Variants in ACADL observed in about 807,000 individuals in gnomAD.
ACADL encodes acyl-CoA dehydrogenase long chain.
ACADL carries 60 observed loss-of-function variants against 56.9 expected under a neutral mutation model. The ratio of observed to expected loss-of-function variants is 1.05; its 90% CI spans 0.86 to 1.31. ACADL has a LOEUF of 1.31. Ranked by LOEUF, ACADL falls within the 50% of genes most tolerant of loss-of-function variation. The pLI, the probability that ACADL is intolerant of heterozygous loss-of-function variation, is 0.00. For missense variants in ACADL, 484 were observed against 525.5 expected, an observed-to-expected ratio of 0.92 and a Z score of 0.77; for synonymous variants, 158 against 179.7, an observed-to-expected ratio of 0.88 and a Z score of 0.97.
chr2:210,195,456 TGTTG>T, intron 8 of ACADL, 118 bp from the exon 9 acceptor site: 1 of 1,147,148 alleles, frequency 8.7e-7, no homozygotes, highest in African/African-American at 1.5e-5. Context: ...AAAGTGGAAT[TGTTG>T]GTTTTTTCCT....
intron 2 of ACADL, among the ~76,000 whole-genome samples, chr2:210,220,215 A>G (rs1264866041): frequency 2.0e-5 from 3 of 152,200 alleles, no homozygotes; most frequent in Admixed American, 6.5e-5. Flanking sequence ...ATAGAAATAG[A>G]TAAGTTTCTG....
chr2:210,191,595 C>G (rs989981527), intron 10 of ACADL, among the ~76,000 whole-genome samples: 84 of 152,146 alleles, frequency 5.5e-4, no homozygotes, highest in Admixed American at 1.3e-4. Context: ...TTTCTAAGGA[C>G]TATAAGCATA....
At chr2:210,189,463 CAAAAG>C (rs1438545139) in intron 10 of ACADL, among the ~76,000 whole-genome samples, 1 of 151,824 alleles carries the variant, frequency 6.6e-6, no homozygotes, top group Non-Finnish European at 1.5e-5. Context: ...TTATAGAAAA[CAAAAG>C]AAAAAAGATA....
At chr2:210,217,777 CTTA>C in intron 3 of ACADL, 185 bp downstream of exon 3, 2 of 675,108 alleles carry the variant, frequency 3.0e-6, no homozygotes, top group Non-Finnish European at 4.8e-6. Flanking sequence ...AAAGGATTTT[CTTA>C]TTATCCCACA....
In ACADL at chr2:210,218,000, C is replaced by T. The variant is rs528714827; in HGVS notation, c.336G>A (p.Gly112=). The part of the protein sequence containing the change: ...NIAEHLGGIG[G]DLYSAAIVWE... ...AGACAATAGCTGCGGAGTACAGATC[C>T]CCTCCAATTCCACCAAGATGCTCTG... Residue 112 remains glycine, a synonymous_variant, in exon 3 of 11, where the codon GGG becomes GGA. Coordinates refer to ENST00000233710, the MANE Select transcript of ACADL (RefSeq NM_001608.4). 3.1e-6 allele frequency: 5 copies of T among 1,613,970 alleles called. No homozygotes were observed. The African/African-American group carries it at 5.3e-5, about 17-fold the overall frequency.
At chr2:210,203,309 T>C in intron 8 of ACADL, 22 bp downstream of exon 8, 1 of 1,538,786 alleles carries the variant, frequency 6.5e-7, no homozygotes, top group Non-Finnish European at 9.0e-7. Context: ...CATCTAATAC[T>C]AAACCACAGT....
chr2:210,219,043 G>A (rs377527842), intron 2 of ACADL, among the ~76,000 whole-genome samples: 34 of 152,246 alleles, frequency 2.2e-4, no homozygotes, highest in Middle Eastern at 3.4e-3. Context: ...ATTTTTAAGT[G>A]GATTATAGTG....
chr2:210,215,116 C>G (rs746197748), intron 4 of ACADL, among the ~76,000 whole-genome samples: 13 of 152,154 alleles, frequency 8.5e-5, no homozygotes, highest in Non-Finnish European at 1.2e-4. Flanking sequence ...TCTTTCTTTG[C>G]ACTATTTGCT....
intron 8 of ACADL, among the ~76,000 whole-genome samples, chr2:210,198,852 T>C (rs1344520864): frequency 2.6e-5 from 4 of 152,170 alleles, no homozygotes; most frequent in African/African-American, 4.8e-5. Context: ...TTTACTGTTT[T>C]ATTGTCTATT....
At chr2:210,200,146 T>C (rs533450293) in intron 8 of ACADL, among the ~76,000 whole-genome samples, 1 of 123,910 alleles carries the variant, frequency 8.1e-6, no homozygotes, top group African/African-American at 2.5e-5. Context: ...GTTGAGAAAA[T>C]CAGAGTGATA....
At chr2:210,219,005 T>C (rs528316133) in intron 2 of ACADL, among the ~76,000 whole-genome samples, 2 of 152,156 alleles carry the variant, frequency 1.3e-5, no homozygotes, top group Non-Finnish European at 2.9e-5. Context: ...TAGTTGGAGA[T>C]AGTGAAAAAA....
intron 7 of ACADL, among the ~76,000 whole-genome samples, chr2:210,204,092 T>TA (rs574744472): frequency 6.6e-6 from 1 of 152,188 alleles, no homozygotes; most frequent in African/African-American, 2.4e-5. Context: ...AGTACCCCCT[T>TA]ACACTGGCAT....
rs769884532 is a variant in ACADL at position 210,188,934 on chromosome 2, A to G, written c.*27T>C. On this transcript the variant is annotated 3_prime_UTR_variant, in exon 11 of 11. Coordinates refer to ENST00000233710, the MANE Select transcript of ACADL (RefSeq NM_001608.4). ...CAGATTTAAAACGAGATTAGCTGTA[A>G]TAGGACTCCAGGATGTGGGCAGATG... is the stretch of plus-strand genomic sequence containing the variant. 9.9e-6 allele frequency: 15 copies of G among 1,519,416 alleles called. No homozygotes were observed. The highest frequency in any genetic ancestry group is 1.3e-5 in the Non-Finnish European group (14 of 1,093,960). The allele number at this position is 1,519,416 out of a possible 1,614,324, so 94.1% of individuals were successfully genotyped here.
chr2:210,214,502 A>AGAAAGAAAGAAAGAAAGAAAGAAG (rs1491401016), intron 4 of ACADL, among the ~76,000 whole-genome samples: 2 of 150,628 alleles, frequency 1.3e-5, no homozygotes, highest in African/African-American at 2.5e-5. Flanking sequence ...AAAGAAAGAA[A>AGAAAGAAAGAAAGAAAGAAAGAAG]GAAAGAAAAA....
intron 2 of ACADL, chr2:210,218,351 G>C (rs1469884973): frequency 4.8e-6 from 2 of 415,392 alleles, no homozygotes; most frequent in Non-Finnish European, 4.3e-6. Context: ...CACAATCATG[G>C]ATCACTGCAG....
intron 1 of ACADL, 92 bp from the exon 2 acceptor site, chr2:210,220,894 CAG>C (rs1293479451): frequency 2.3e-5 from 25 of 1,079,402 alleles, no homozygotes; most frequent in Non-Finnish European, 3.2e-5. Flanking sequence ...ATTTCTTTCA[CAG>C]AGAAACTTGA....
chr2:210,197,671 TACATGATGCC>T (rs1357263456), intron 8 of ACADL, among the ~76,000 whole-genome samples: 1 of 152,206 alleles, frequency 6.6e-6, no homozygotes, highest in Non-Finnish European at 1.5e-5. Context: ...TTTTTTTGCC[TACATGATGCC>T]ACATTTGGGA....
chr2:210,220,899 A>G (rs1689166200), intron 1 of ACADL, 97 bp from the exon 2 acceptor site: 1 of 1,040,312 alleles, frequency 9.6e-7, no homozygotes, highest in Non-Finnish European at 1.4e-6. Context: ...TTTCACAGAG[A>G]AACTTGAGAG....
rs542460583 is a variant in ACADL at position 210,188,201 on chromosome 2, G to A, written c.*760C>T. On this transcript the variant is annotated 3_prime_UTR_variant, in exon 11 of 11. Transcript: ENST00000233710. ...TATTAAGTTAATAAATACATTAACT[G>A]TTGCAAAAGAAAAGCCATTGCTTTG... 3.3e-5 allele frequency: 5 copies of A among 152,286 alleles called. No homozygotes were observed. The South Asian group carries it at 1.0e-3, about 32-fold the overall frequency. The allele number at this position is 152,286 out of a possible 1,614,324, so 9.4% of individuals were successfully genotyped here.
Sources: allele counts gnomAD v4.1 joint callset (sites outside exome capture counted in the v4.1 genomes callset), GRCh38; gene constraint gnomAD v4.1.1; transcripts MANE v1.5; gene names NCBI Gene and HGNC (gene_info 2026-07-23, HGNC 2026-07-21).